Variants in DPP10 observed in about 807,000 individuals in gnomAD.
The protein encoded by DPP10 is inactive dipeptidyl peptidase 10.
In DPP10, 33 loss-of-function variants were observed where a neutral mutation model predicts 120.9. The ratio of observed to expected loss-of-function variants is 0.27; its 90% CI spans 0.21 to 0.37. The LOEUF (loss-of-function observed/expected upper bound fraction) is 0.37, where lower values mean the gene tolerates loss of function less well. Ranked by LOEUF, DPP10 falls within the 10% of genes least tolerant of loss-of-function variation. DPP10 has a pLI of 1.00. For missense variants in DPP10, 816 were observed against 942.8 expected (o/e 0.87, Z 1.76); for synonymous variants, 337 against 326.1 (o/e 1.03, Z -0.36).
chr2:114,989,336 G>A (rs1370921683), intron 1 of DPP10, among the ~76,000 whole-genome samples: 2 of 152,106 alleles, frequency 1.3e-5, no homozygotes, highest in Admixed American at 1.3e-4. Flanking sequence ...ATTTTATACA[G>A]AAGATCACAT....
intron 1 of DPP10, among the ~76,000 whole-genome samples, chr2:114,797,875 A>G (rs1020749790): frequency 2.2e-4 from 33 of 152,162 alleles, no homozygotes; most frequent in African/African-American, 7.7e-4. Flanking sequence ...AAAGGGGGAG[A>G]AAGGGTATTT....
At chr2:115,727,621 A>G (rs2092797240) in intron 7 of DPP10, among the ~76,000 whole-genome samples, 195 bp from the exon 8 acceptor site, 2 of 152,186 alleles carry the variant, frequency 1.3e-5, no homozygotes, top group Admixed American at 6.5e-5. Context: ...CCAAATGACA[A>G]CTTGATATTG....
At chr2:115,178,062 A>G (rs919445708) in intron 1 of DPP10, among the ~76,000 whole-genome samples, 4 of 152,136 alleles carry the variant, frequency 2.6e-5, no homozygotes, top group African/African-American at 9.7e-5. Flanking sequence ...CCTTGATATT[A>G]TCAAAATAGA....
At chr2:114,973,554 C>T (rs1228179722) in intron 1 of DPP10, among the ~76,000 whole-genome samples, 2 of 143,284 alleles carry the variant, frequency 1.4e-5, no homozygotes, top group Non-Finnish European at 1.5e-5. Context: ...CCCAGCTACT[C>T]GGGAGACTGA....
At chr2:115,109,994 G>A (rs184905272) in intron 1 of DPP10, among the ~76,000 whole-genome samples, 1 of 152,188 alleles carries the variant, frequency 6.6e-6, no homozygotes, top group Non-Finnish European at 1.5e-5. Flanking sequence ...TAGCAAGTAT[G>A]AGCCTCAGTT....
intron 5 of DPP10, chr2:115,526,256 G>A (rs931492796): frequency 3.3e-6 from 1 of 303,286 alleles, no homozygotes; most frequent in Non-Finnish European, 6.1e-6. Flanking sequence ...TCCAACAAAT[G>A]CGGGCTTGTG....
intron 1 of DPP10, among the ~76,000 whole-genome samples, chr2:114,446,176 A>G (rs1677934308): frequency 6.6e-6 from 1 of 152,208 alleles, no homozygotes; most frequent in Non-Finnish European, 1.5e-5. Flanking sequence ...CTTCACCATT[A>G]TGGCTTCTCT....
chr2:114,666,480 A>G (rs1270972067), intron 1 of DPP10, among the ~76,000 whole-genome samples: 1 of 152,244 alleles, frequency 6.6e-6, no homozygotes, highest in African/African-American at 2.4e-5. Flanking sequence ...ACCTATTAGT[A>G]GGAGCCATAT....
chr2:114,519,102 A>G (rs539505270), intron 1 of DPP10, among the ~76,000 whole-genome samples: 4 of 152,368 alleles, frequency 2.6e-5, no homozygotes, highest in Admixed American at 6.5e-5. Context: ...TTATAATATC[A>G]TTCATTGATA....
intron 1 of DPP10, among the ~76,000 whole-genome samples, chr2:114,495,629 C>T (rs1682446851): frequency 6.6e-6 from 1 of 152,086 alleles, no homozygotes; most frequent in Non-Finnish European, 1.5e-5. Flanking sequence ...AGGTTTTATC[C>T]TCTGTAAGTA....
At chr2:115,574,447 A>G (rs1253660883) in intron 5 of DPP10, among the ~76,000 whole-genome samples, 3 of 152,044 alleles carry the variant, frequency 2.0e-5, no homozygotes. Flanking sequence ...CTCCTGCAAC[A>G]CTTCCTGCCT....
intron 1 of DPP10, among the ~76,000 whole-genome samples, chr2:114,945,867 C>T (rs1026943750): frequency 6.6e-6 from 1 of 151,974 alleles, no homozygotes; most frequent in Non-Finnish European, 1.5e-5. Context: ...AGTGGAGAAA[C>T]CTCATAAACA....
intron 1 of DPP10, among the ~76,000 whole-genome samples, chr2:114,935,238 G>A (rs1983373): frequency 1.3e-5 from 2 of 151,692 alleles, no homozygotes; most frequent in South Asian, 2.1e-4. Flanking sequence ...CTTCGTCATC[G>A]TTTCCCTTCT....
intron 1 of DPP10, among the ~76,000 whole-genome samples, chr2:114,735,203 C>T (rs1677301514): frequency 6.6e-6 from 1 of 152,126 alleles, no homozygotes; most frequent in Non-Finnish European, 1.5e-5. Context: ...ATTGTATTTA[C>T]TTTGCTGTTA....
intron 1 of DPP10, among the ~76,000 whole-genome samples, chr2:115,256,077 A>G (rs2058973321): frequency 1.3e-5 from 2 of 152,200 alleles, no homozygotes; most frequent in South Asian, 2.1e-4. Flanking sequence ...AAAGACATAC[A>G]TGAGACCGGG....
intron 5 of DPP10, among the ~76,000 whole-genome samples, chr2:115,681,214 T>C (rs1343453892): frequency 2.6e-5 from 4 of 151,934 alleles, no homozygotes; most frequent in South Asian, 2.1e-4. Context: ...TGAGAATATA[T>C]CCTAAGCGTA....
At chr2:114,625,737 T>G (rs1694460267) in intron 1 of DPP10, among the ~76,000 whole-genome samples, 1 of 152,026 alleles carries the variant, frequency 6.6e-6, no homozygotes, top group African/African-American at 2.4e-5. Context: ...ATTTTTCATC[T>G]TTGGGCAGTG....
intron 4 of DPP10, among the ~76,000 whole-genome samples, chr2:115,525,471 A>C (rs931894672): frequency 6.6e-6 from 1 of 152,112 alleles, no homozygotes; most frequent in Non-Finnish European, 1.5e-5. Flanking sequence ...CTTTTTAAAT[A>C]TAAACATTCA....
At chr2:115,261,578 A>G (rs2059251606) in intron 1 of DPP10, among the ~76,000 whole-genome samples, 3 of 152,178 alleles carry the variant, frequency 2.0e-5, no homozygotes, top group South Asian at 4.1e-4. Context: ...TCTTCAATAC[A>G]TGTGCTGGAG....
Sources: allele counts gnomAD v4.1 joint callset (sites outside exome capture counted in the v4.1 genomes callset), GRCh38; gene constraint gnomAD v4.1.1; transcripts MANE v1.5; gene names NCBI Gene and HGNC (gene_info 2026-07-23, HGNC 2026-07-21).